DNAH7: variants seen among roughly 807,000 people sequenced by gnomAD.
DNAH7 encodes axonemal beta dynein heavy chain 7.
In DNAH7, 397 loss-of-function variants were observed where a neutral mutation model predicts 444.6. That is an observed-to-expected ratio of 0.89 (90% CI 0.82 to 0.97). DNAH7 has a LOEUF of 0.97. Ranked by LOEUF, DNAH7 falls within the 50% of genes least tolerant of loss-of-function variation. The probability of loss-of-function intolerance (pLI) is 0.00; values close to 1 mark genes in which losing one functional copy is unlikely to be tolerated. For missense variants in DNAH7, 4,902 were observed against 4,800.8 expected, an observed-to-expected ratio of 1.02 and a Z score of -0.62; for synonymous variants, 1,636 against 1,624.4, an observed-to-expected ratio of 1.01 and a Z score of -0.17.
At chr2:196,019,652 G>A (rs200118613) in intron 8 of DNAH7, among the ~76,000 whole-genome samples, 1 of 151,986 alleles carries the variant, frequency 6.6e-6, no homozygotes, top group East Asian at 1.9e-4. Flanking sequence ...CTAATTTCAG[G>A]ACATACATTT....
At chr2:195,998,978 G>T in intron 12 of DNAH7, 1 of 623,990 alleles carries the variant, frequency 1.6e-6, no homozygotes, top group Non-Finnish European at 2.9e-6. Context: ...CTGCCCTGGG[G>T]ACCCTGCTGA....
At chr2:195,987,333 G>C (rs879683643) in intron 13 of DNAH7, 140 bp from the exon 14 acceptor site, 12 of 569,414 alleles carry the variant, frequency 2.1e-5, no homozygotes, top group Middle Eastern at 9.7e-4. Context: ...AATTCAGGGA[G>C]GGTTTTCCAA....
At chr2:195,890,772 G>A (rs952184574) in intron 31 of DNAH7, among the ~76,000 whole-genome samples, 2 of 152,160 alleles carry the variant, frequency 1.3e-5, no homozygotes, top group African/African-American at 4.8e-5. Flanking sequence ...AGCAATAAGA[G>A]CAGAGCTGAG....
intron 49 of DNAH7, among the ~76,000 whole-genome samples, chr2:195,823,025 G>GA (rs777949665): frequency 2.6e-5 from 4 of 152,120 alleles, no homozygotes; most frequent in Non-Finnish European, 5.9e-5. Context: ...TTTGACAGAT[G>GA]AGAGAATTGA....
intron 11 of DNAH7, 126 bp from the exon 12 acceptor site, chr2:196,001,009 A>G: frequency 1.5e-6 from 1 of 653,334 alleles, no homozygotes; most frequent in Non-Finnish European, 2.4e-6. Flanking sequence ...CAGCTAAGCC[A>G]AGGAGGAGCT....
At chr2:196,064,613 C>A (rs944702690) in intron 1 of DNAH7, among the ~76,000 whole-genome samples, 1 of 152,118 alleles carries the variant, frequency 6.6e-6, no homozygotes, top group Non-Finnish European at 1.5e-5. Flanking sequence ...ATTTTTACTA[C>A]ACTTATTACT....
intron 55 of DNAH7, among the ~76,000 whole-genome samples, chr2:195,798,894 G>T (rs1200566587): frequency 6.6e-6 from 1 of 152,034 alleles, no homozygotes; most frequent in Non-Finnish European, 1.5e-5. Flanking sequence ...AATTGTTCTG[G>T]AAAGTCAATG....
At chr2:196,008,370 T>C (rs1319262627) in intron 10 of DNAH7, among the ~76,000 whole-genome samples, 2 of 152,260 alleles carry the variant, frequency 1.3e-5, no homozygotes, top group South Asian at 2.1e-4. Flanking sequence ...TGGAAAACAG[T>C]GCGAGTGTTC....
chr2:195,982,025 A>G (rs1235314291), intron 15 of DNAH7, among the ~76,000 whole-genome samples: 2 of 152,214 alleles, frequency 1.3e-5, no homozygotes. Context: ...ACATGAAGAG[A>G]CAACCCAGAG....
chr2:195,761,498 C>T (rs1350115401), intron 61 of DNAH7, among the ~76,000 whole-genome samples: 1 of 152,042 alleles, frequency 6.6e-6, no homozygotes, highest in Non-Finnish European at 1.5e-5. Context: ...TTATAGAACA[C>T]CAAGCAGATT....
At chr2:195,976,788 ACT>A (rs1692240361) in intron 15 of DNAH7, among the ~76,000 whole-genome samples, 2 of 144,374 alleles carry the variant, frequency 1.4e-5, no homozygotes, top group African/African-American at 2.6e-5. Context: ...AGAGAGAGAG[ACT>A]CTCTAATTAT....
At chr2:195,805,250 C>T (rs901438564) in intron 54 of DNAH7, among the ~76,000 whole-genome samples, 2 of 151,786 alleles carry the variant, frequency 1.3e-5, no homozygotes, top group East Asian at 3.9e-4. Flanking sequence ...ATATAAAACA[C>T]GAACTTTTTT....
In DNAH7 at chr2:195,834,369, G is replaced by A. The variant is rs753358791; in HGVS notation, c.8946-9C>T. ...GCCACCTTCTTGCATTCCTGAAAAGGAGGAGAAAGACGATGCTGGTCAAGC... is the reference window on the plus strand; with the variant it reads ...GCCACCTTCTTGCATTCCTGAAAAGAAGGAGAAAGACGATGCTGGTCAAGC... On this transcript the variant is annotated splice_polypyrimidine_tract_variant and intron_variant, in intron 47 of 64. Coordinates refer to ENST00000312428, the MANE Select transcript of DNAH7 (RefSeq NM_018897.3). 1.8e-5 allele frequency: 28 copies of A among 1,583,520 alleles called. No individual in the cohort carries two copies. Among genetic ancestry groups the A allele is most frequent in the Admixed American group, 8.4e-5 (5 of 59,572 alleles).
At chr2:195,872,730 TTAAG>T (rs1285932590) in intron 39 of DNAH7, among the ~76,000 whole-genome samples, 4 of 152,050 alleles carry the variant, frequency 2.6e-5, no homozygotes, top group South Asian at 4.1e-4. Context: ...TTAAAATCAC[TTAAG>T]TAAGTGAACA....
intron 35 of DNAH7, among the ~76,000 whole-genome samples, chr2:195,882,921 A>G (rs1290538686): frequency 6.6e-6 from 1 of 152,192 alleles, no homozygotes; most frequent in East Asian, 1.9e-4. Context: ...TGAAGAGGTT[A>G]TGAACTCACT....
At chr2:195,907,064 G>A (rs1687072811) in intron 25 of DNAH7, 55 bp from the exon 26 acceptor site, 9 of 1,350,490 alleles carry the variant, frequency 6.7e-6, no homozygotes, top group Non-Finnish European at 8.3e-6. Flanking sequence ...ATGTTGCAAT[G>A]AAATGTTGTA....
At chr2:196,037,570 C>T (rs980387042) in intron 5 of DNAH7, among the ~76,000 whole-genome samples, 1 of 152,028 alleles carries the variant, frequency 6.6e-6, no homozygotes, top group African/African-American at 2.4e-5. Flanking sequence ...AAGAACCAAA[C>T]AGAAATCCTG....
chr2:196,001,441 T>G (rs1694029878), intron 11 of DNAH7, among the ~76,000 whole-genome samples: 1 of 152,050 alleles, frequency 6.6e-6, no homozygotes, highest in Non-Finnish European at 1.5e-5. Flanking sequence ...CTTGGCTCGC[T>G]GCAGCCTCAA....
Position 196,068,541 on chromosome 2 carries a change from G to T in DNAH7, c.15+156C>A, listed in dbSNP as rs1429565335. The T allele has an allele frequency of 5.2e-6, 5 of 958,008 alleles. No individual in the cohort carries two copies. The East Asian group carries it at 1.4e-4, about 27-fold the overall frequency. The allele number at this position is 958,008 out of a possible 1,614,324, so 59.3% of individuals were successfully genotyped here. ...GAACTTATAAGGGCATTCACGGAAA[G>T]CGCTCAGTAACCCAGGCCACAAGTG... On this transcript the variant is annotated intron_variant, in intron 1 of 64. Coordinates refer to ENST00000312428, the MANE Select transcript of DNAH7 (RefSeq NM_018897.3).
Sources: gnomAD v4.1 joint callset for allele counts (sites outside exome capture counted in the v4.1 genomes callset) on GRCh38, gnomAD v4.1.1 for gene constraint, MANE v1.5 for transcripts, NCBI Gene and HGNC (gene_info 2026-07-23, HGNC 2026-07-21) for gene names.